SPECC1: variants seen among roughly 807,000 people sequenced by gnomAD.
SPECC1 encodes the protein cytospin-B.
A neutral mutation model predicts 104.1 loss-of-function variants in SPECC1; 62 were observed. The observed-to-expected ratio is 0.60, with a 90% CI of 0.49 to 0.74. The LOEUF is 0.74. SPECC1 is among the 30% of genes least tolerant of loss of function. The pLI is 0.00. For missense variants in SPECC1, 1,306 were observed against 1,310.5 expected (o/e 1.00, Z 0.05); for synonymous variants, 513 against 501.6 (o/e 1.02, Z -0.30).
chr17:20,308,775 C>T (rs572758096), intron 14 of SPECC1, among the ~76,000 whole-genome samples: 1 of 152,308 alleles, frequency 6.6e-6, no homozygotes, highest in African/African-American at 2.4e-5. Context: ...ACTTACACAT[C>T]TGACCAGGGT....
At chr17:20,251,287 A>C (rs2039626244) in intron 9 of SPECC1, among the ~76,000 whole-genome samples, 1 of 149,074 alleles carries the variant, frequency 6.7e-6, no homozygotes, top group South Asian at 2.2e-4. Context: ...TGTAGTCGAT[A>C]AAGATTAATA....
intron 14 of SPECC1, among the ~76,000 whole-genome samples, chr17:20,309,815 C>CTTT (rs763244105): frequency 2.9e-4 from 30 of 103,160 alleles, no homozygotes; most frequent in Non-Finnish European, 4.3e-4. Context: ...TTCTCCTTTT[C>CTTT]TTTTTTTTTT....
At chr17:20,071,717 C>T (rs1361978148) in intron 1 of SPECC1, among the ~76,000 whole-genome samples, 4 of 151,922 alleles carry the variant, frequency 2.6e-5, no homozygotes, top group Admixed American at 6.6e-5. Context: ...TTTTTTTTAA[C>T]GTGATAACTT....
intron 1 of SPECC1, among the ~76,000 whole-genome samples, chr17:20,032,191 C>T (rs575347765): frequency 1.3e-5 from 2 of 152,186 alleles, no homozygotes; most frequent in East Asian, 3.9e-4. Flanking sequence ...TAGCTGCTTT[C>T]AATATTTTCT....
chr17:20,071,832 T>G (rs185785709), intron 1 of SPECC1, among the ~76,000 whole-genome samples: 1 of 152,246 alleles, frequency 6.6e-6, no homozygotes, highest in African/African-American at 2.4e-5. Context: ...GTCTGAGAGA[T>G]AAGCACTGTT....
At position 20,205,367 on chromosome 17, in the gene SPECC1, A is replaced by C; in HGVS notation, c.1318A>C (p.Asn440His). The C allele has an allele frequency of 6.2e-7, 1 of 1,613,728 alleles. No individual in the cohort carries two copies. Among genetic ancestry groups the C allele is most frequent in the Non-Finnish European group, 8.5e-7 (1 of 1,179,944 alleles). The change falls in exon 4 of 15, where the codon AAT becomes CAT. Residue 440 changes from asparagine to histidine, a missense_variant. Around this residue, in one of 2 missense-constraint regions of SPECC1, gnomAD observed 1,177 missense variants for 1,139.9 expected, o/e 1.03. Transcript: ENST00000395527. ...RERAEQLSQE[N>H]EKLMNLLQER... ...GAGGGCAGAGCAGCTAAGTCAAGAA[A>C]ATGAGAAGCTGATGAATCTTTTACA...
chr17:20,101,360 A>C (rs924061892), intron 2 of SPECC1, among the ~76,000 whole-genome samples: 16 of 152,208 alleles, frequency 1.1e-4, no homozygotes, highest in Non-Finnish European at 2.9e-5. Flanking sequence ...TCGCCATTCT[A>C]ACTGGCGTGA....
intron 1 of SPECC1, among the ~76,000 whole-genome samples, chr17:20,048,466 C>T (rs956417110): frequency 2.4e-4 from 37 of 151,964 alleles, no homozygotes; most frequent in African/African-American, 8.5e-4. Context: ...CATCTTCCCT[C>T]GATTTTGTTC....
chr17:20,318,846 CTT>C lies in SPECC1; in HGVS notation c.*4783_*4784del, dbSNP rs2042070990. On this transcript the variant is annotated 3_prime_UTR_variant, in exon 15 of 15. Transcript: ENST00000395527. ...CTAATTTTTTTTTTTAGCACACTAA[CTT>C]TAACTACATTAGTTGAGTGTAGTTG... The C allele has an allele frequency of 4.9e-6, 1 of 202,696 alleles. No homozygotes were observed. The highest frequency in any genetic ancestry group is 6.0e-5 in the Admixed American group (1 of 16,612). The allele number at this position is 202,696 out of a possible 1,614,324, so 12.6% of individuals were successfully genotyped here.
chr17:20,152,059 G>A (rs903208951), intron 3 of SPECC1, among the ~76,000 whole-genome samples: 12 of 151,896 alleles, frequency 7.9e-5, no homozygotes, highest in Admixed American at 6.6e-4. Flanking sequence ...CCAGCTACTC[G>A]GGAGGCAGAG....
At chr17:20,296,140 T>C (rs1252309521) in intron 12 of SPECC1, among the ~76,000 whole-genome samples, 1 of 152,248 alleles carries the variant, frequency 6.6e-6, no homozygotes, top group African/African-American at 2.4e-5. Flanking sequence ...CTTCTAGGGT[T>C]TTTATGGTTT....
chr17:20,138,291 T>C (rs2030277530), intron 3 of SPECC1, among the ~76,000 whole-genome samples: 1 of 152,110 alleles, frequency 6.6e-6, no homozygotes, highest in Admixed American at 6.6e-5. Flanking sequence ...GGAGTTTCCA[T>C]ACACCCTCTG....
intron 1 of SPECC1, among the ~76,000 whole-genome samples, chr17:20,075,343 T>TA (rs2046718025): frequency 6.6e-6 from 1 of 152,154 alleles, no homozygotes; most frequent in South Asian, 2.1e-4. Context: ...TGTGGAGGCC[T>TA]AGAGAGGTCA....
intron 1 of SPECC1, among the ~76,000 whole-genome samples, chr17:20,066,909 A>G (rs1440126059): frequency 8.2e-6 from 1 of 122,106 alleles, no homozygotes; most frequent in African/African-American, 2.9e-5. Context: ...CTGGCTAATC[A>G]AATTTTTTTT....
intron 1 of SPECC1, among the ~76,000 whole-genome samples, chr17:20,054,154 A>G (rs1012863253): frequency 1.3e-5 from 2 of 152,092 alleles, no homozygotes; most frequent in South Asian, 2.1e-4. Flanking sequence ...CTTTTAATCT[A>G]TTCCCCATAC....
intron 2 of SPECC1, among the ~76,000 whole-genome samples, chr17:20,104,757 A>G (rs1418813490): frequency 6.6e-5 from 10 of 151,002 alleles, no homozygotes; most frequent in Middle Eastern, 3.4e-3. Flanking sequence ...AAAAAAAAAA[A>G]AAAAAAAAAG....
chr17:20,139,979 C>T (rs1211577823), intron 3 of SPECC1, among the ~76,000 whole-genome samples: 1 of 152,120 alleles, frequency 6.6e-6, no homozygotes, highest in East Asian at 1.9e-4. Context: ...CAGCCCACTT[C>T]TTTTTATTTC....
chr17:20,154,644 G>A (rs1297620144), intron 3 of SPECC1, among the ~76,000 whole-genome samples: 2 of 152,172 alleles, frequency 1.3e-5, no homozygotes. Flanking sequence ...AGCGTTGCAA[G>A]TGGGGGTGTG....
chr17:20,048,515 G>T (rs950232833), intron 1 of SPECC1, among the ~76,000 whole-genome samples: 1 of 152,016 alleles, frequency 6.6e-6, no homozygotes, highest in African/African-American at 2.4e-5. Context: ...TGTGTTTGTT[G>T]CTCAGGGTTG....
Sources: allele counts gnomAD v4.1 joint callset (sites outside exome capture counted in the v4.1 genomes callset), GRCh38; gene constraint gnomAD v4.1.1; regional missense constraint gnomAD v4.1.1; transcripts MANE v1.5; gene names NCBI Gene and HGNC (gene_info 2026-07-23, HGNC 2026-07-21).